Variants in ZNF536 observed in about 807,000 individuals in gnomAD.
The protein encoded by ZNF536 is zinc finger protein 536.
A neutral mutation model predicts 84.5 loss-of-function variants in ZNF536; 13 were observed. The observed-to-expected ratio is 0.15, with a 90% CI of 0.10 to 0.24. The LOEUF (loss-of-function observed/expected upper bound fraction) is 0.24, where lower values mean the gene tolerates loss of function less well. Ranked by LOEUF, ZNF536 falls within the 10% of genes least tolerant of loss-of-function variation. The pLI, the probability that ZNF536 is intolerant of heterozygous loss-of-function variation, is 1.00. For synonymous variants in ZNF536, 811 were observed against 742.5 expected, an observed-to-expected ratio of 1.09 and a Z score of -1.50; for missense variants, 1,536 against 1,747.5, an observed-to-expected ratio of 0.88 and a Z score of 2.16.
In ZNF536 at chr19:30,297,388, C is replaced by T. The variant is rs184916669; in HGVS notation, c.-120+13247C>T. On this transcript the variant is annotated intron_variant, in intron 2 of 5. Transcript: ENST00000585628. ...CTACTTAAGTGCTTTTTTTAATGGC[C>T]CACGTTTGATCTTAAGCCACTTCTT... 5.9e-5 allele frequency among the ~76,000 whole-genome samples: 9 copies of T among 152,038 alleles called. No homozygotes were observed. The East Asian group carries it at 1.6e-3, about 26-fold the overall frequency.
intron 1 of ZNF536, among the ~76,000 whole-genome samples, chr19:30,584,235 G>C (rs559155600): frequency 1.2e-4 from 19 of 152,306 alleles, no homozygotes; most frequent in Admixed American, 1.2e-3. Context: ...CCTGCTGCAA[G>C]TGGTGAGCAG....
intron 1 of ZNF536, among the ~76,000 whole-genome samples, chr19:30,657,806 G>GT (rs2049970058): frequency 6.6e-6 from 1 of 152,176 alleles, no homozygotes; most frequent in South Asian, 2.1e-4. Context: ...AGAAAGACCT[G>GT]TTAATTCCAT....
chr19:30,608,476 A>G (rs2047974364), intron 1 of ZNF536, among the ~76,000 whole-genome samples: 1 of 152,196 alleles, frequency 6.6e-6, no homozygotes, highest in African/African-American at 2.4e-5. Context: ...CGAATCCACC[A>G]GAACTTTAGC....
At chr19:30,584,781 C>G (rs2047040008) in intron 1 of ZNF536, among the ~76,000 whole-genome samples, 1 of 152,154 alleles carries the variant, frequency 6.6e-6, no homozygotes. Context: ...ATTGTCTTTT[C>G]TCTCAGATCA....
chr19:30,402,683 A>G (rs936066344), intron 1 of ZNF536, among the ~76,000 whole-genome samples: 1 of 151,500 alleles, frequency 6.6e-6, no homozygotes, highest in East Asian at 1.9e-4. Flanking sequence ...TAAAGATGCA[A>G]TTCTCAAACT....
intron 2 of ZNF536, among the ~76,000 whole-genome samples, chr19:30,306,476 AC>A (rs1269241894): frequency 6.6e-6 from 1 of 152,184 alleles, no homozygotes; most frequent in Admixed American, 6.5e-5. Flanking sequence ...TAACACACTT[AC>A]CTCTAACACG....
chr19:30,637,551 C>T (rs563554134), intron 1 of ZNF536, among the ~76,000 whole-genome samples: 158 of 152,328 alleles, frequency 1.0e-3, no homozygotes, highest in African/African-American at 3.7e-3. Flanking sequence ...TCTTCATTCT[C>T]AATTTGGATA....
At position 30,466,433 on chromosome 19, in the gene ZNF536, G is replaced by A. The variant is rs1310499189; in HGVS notation, c.2170+20701G>A. Among the ~76,000 whole-genome samples, 11 of 150,848 alleles carry A rather than the reference G, an allele frequency of 7.3e-5. No individual in the cohort carries two copies. In the East Asian group the frequency reaches 1.8e-3, roughly 24 times the overall value. ...ACAAAAATCAGCTGGGTGTGATGGT[G>A]CATGCCTGTAGTTGTAGCTACTCAG... is the stretch of plus-strand genomic sequence containing the variant. On this transcript the variant is annotated intron_variant, in intron 2 of 4. Transcript: ENST00000355537.
At position 30,444,276 on chromosome 19, in the gene ZNF536, C is replaced by G. The variant is rs1281001649; in HGVS notation, c.714C>G (p.Cys238Trp). 6.4e-7 allele frequency: 1 copy of G among 1,563,852 alleles called. No individual in the cohort carries two copies. Among genetic ancestry groups the G allele is most frequent in the East Asian group, 2.4e-5 (1 of 42,464 alleles). Residue 238 changes from cysteine to tryptophan, a missense_variant, in exon 2 of 5, where the codon TGC becomes TGG. Physicochemically the swap from Cys to Trp is radical, Grantham distance 215. Around this residue, in one of 8 missense-constraint regions of ZNF536, gnomAD observed 138 missense variants for 136.8 expected, o/e 1.01. Coordinates refer to ENST00000355537, the MANE Select transcript of ZNF536 (RefSeq NM_014717.3). Reference sequence around the variant, plus strand: ...CCCAGCAGGCCCCGCTGGCCGCCTGCACCCTGGCCCTGCAGGCTAACCACA... The same window carrying G: ...CCCAGCAGGCCCCGCTGGCCGCCTGGACCCTGGCCCTGCAGGCTAACCACA... ...PHAQQAPLAA[C>W]TLALQANHSV...
At chr19:30,525,940 A>T (rs1307301734) in intron 2 of ZNF536, among the ~76,000 whole-genome samples, 2 of 152,174 alleles carry the variant, frequency 1.3e-5, no homozygotes, top group Non-Finnish European at 2.9e-5. Context: ...AAAAGCAATG[A>T]AATGAGTAGC....
At chr19:30,435,760 C>T (rs1312185343) in intron 1 of ZNF536, among the ~76,000 whole-genome samples, 1 of 152,066 alleles carries the variant, frequency 6.6e-6, no homozygotes, top group African/African-American at 2.4e-5. Context: ...CCCAGGGATC[C>T]AGACCAGAAG....
chr19:30,420,321 C>A (rs1387604299), intron 1 of ZNF536, among the ~76,000 whole-genome samples: 1 of 152,168 alleles, frequency 6.6e-6, no homozygotes, highest in Non-Finnish European at 1.5e-5. Flanking sequence ...CCCCACAAGA[C>A]CAACTTCCTT....
intron 2 of ZNF536, among the ~76,000 whole-genome samples, chr19:30,526,723 C>CAAAAAAA (rs766704469): frequency 6.4e-5 from 3 of 46,870 alleles, no homozygotes; most frequent in African/African-American, 1.2e-4. Flanking sequence ...GACTCCGTCT[C>CAAAAAAA]AAAAAAAAAA....
intron 1 of ZNF536, among the ~76,000 whole-genome samples, chr19:30,608,085 A>G (rs762192461): frequency 2.0e-5 from 3 of 152,232 alleles, no homozygotes; most frequent in Non-Finnish European, 2.9e-5. Flanking sequence ...TATTTGTGCA[A>G]TTGTATTTAT....
intron 1 of ZNF536, among the ~76,000 whole-genome samples, chr19:30,580,515 G>A (rs2046884412): frequency 6.6e-6 from 1 of 152,130 alleles, no homozygotes; most frequent in Admixed American, 6.5e-5. Context: ...TCTGTGGAGT[G>A]GGGTACCTGT....
intron 1 of ZNF536, among the ~76,000 whole-genome samples, chr19:30,416,141 C>A (rs924870744): frequency 2.0e-5 from 3 of 152,164 alleles, no homozygotes; most frequent in African/African-American, 4.8e-5. Flanking sequence ...TATATGCAAT[C>A]AAATTGTGAA....
Position 30,445,767 on chromosome 19 carries a change from T to C in ZNF536, c.2170+35T>C. 2.0e-6 allele frequency: 3 copies of C among 1,526,320 alleles called. No homozygotes were observed. In the African/African-American group the frequency reaches 4.1e-5, roughly 21 times the overall value. The allele number at this position is 1,526,320 out of a possible 1,614,324, so 94.5% of individuals were successfully genotyped here. A position where few individuals can be genotyped will look rare whatever the true frequency, so the allele number is the denominator to read the frequency against. On this transcript the variant is annotated intron_variant, in intron 2 of 4. Transcript: ENST00000355537. The surrounding 1 kb of genome is among the most constrained non-coding windows in gnomAD (Gnocchi z 4.5). ...CTGAGAAGCGGGGAGAAGCAGCTTG[T>C]ACAGCAGCCCTGCTCAGGGCTGCCT... is the stretch of plus-strand genomic sequence containing the variant.
intron 1 of ZNF536, among the ~76,000 whole-genome samples, chr19:30,581,700 G>A (rs1305223011): frequency 6.6e-6 from 1 of 152,006 alleles, no homozygotes; most frequent in African/African-American, 2.4e-5. Context: ...CACTTTGGGA[G>A]GCCGAGGTGG....
At chr19:30,299,630 A>G (rs996468055) in intron 2 of ZNF536, among the ~76,000 whole-genome samples, 1 of 152,206 alleles carries the variant, frequency 6.6e-6, no homozygotes, top group Non-Finnish European at 1.5e-5. Context: ...GGAATATGGC[A>G]TTCACTAGTT....
Sources: gnomAD v4.1 joint callset for allele counts (sites outside exome capture counted in the v4.1 genomes callset) on GRCh38, gnomAD v4.1.1 for gene constraint, gnomAD v4.1.1 regional missense constraint, Gnocchi (gnomAD v3.1) non-coding constraint, MANE v1.5 for transcripts, NCBI Gene and HGNC (gene_info 2026-07-23, HGNC 2026-07-21) for gene names.